MANSC4: variants seen among roughly 807,000 people sequenced by gnomAD.
The protein encoded by MANSC4 is MANSC domain-containing protein 4.
Under a neutral mutation model 11.4 loss-of-function variants are expected in MANSC4, and 11 were observed. The ratio of observed to expected loss-of-function variants is 0.97; its 90% confidence interval spans 0.61 to 1.60. MANSC4 has a LOEUF of 1.60. Ranked by LOEUF, MANSC4 falls within the 40% of genes most tolerant of loss-of-function variation. The pLI is 0.00. For synonymous variants in MANSC4, 123 were observed against 147.1 expected (o/e 0.84, Z 1.19); for missense variants, 354 against 404.6 (o/e 0.88, Z 1.07).
chr12:27,765,856 G>A (rs1348030500), intron 3 of MANSC4, among the ~76,000 whole-genome samples: 1 of 152,142 alleles, frequency 6.6e-6, no homozygotes, highest in Non-Finnish European at 1.5e-5. Flanking sequence ...TACACCCTGA[G>A]ATTACATAAA....
At chr12:27,772,734 A>G (rs2062105696) in intron 1 of MANSC4, among the ~76,000 whole-genome samples, 1 of 152,180 alleles carries the variant, frequency 6.6e-6, no homozygotes, top group South Asian at 2.1e-4. Context: ...GTTTGAAGGG[A>G]TAGGGAAGAG....
rs186554243 is a variant in MANSC4 at position 27,775,002 on chromosome 12, C to T, written c.-306-3420G>A. 4.6e-3 allele frequency among the ~76,000 whole-genome samples: 691 copies of T among 149,998 alleles called. 7 individuals are homozygous for T. The highest frequency in any genetic ancestry group is 0.016 in the African/African-American group (657 of 40,868). ...TCGCGCCACTGCACTCCAGCCTGGG[C>T]GACAGAGCGAGATTCCGTCTCAAAA... On this transcript the variant is annotated intron_variant, in intron 1 of 3. Coordinates refer to ENST00000381273, the MANE Select transcript of MANSC4 (RefSeq NM_001146221.5).
At chr12:27,774,851 G>A (rs2062113233) in intron 1 of MANSC4, among the ~76,000 whole-genome samples, 1 of 151,950 alleles carries the variant, frequency 6.6e-6, no homozygotes. Flanking sequence ...GTGAAACCCC[G>A]TGTCTACTAA....
chr12:27,772,209 C>T (rs1002344788), intron 1 of MANSC4, among the ~76,000 whole-genome samples: 2 of 152,142 alleles, frequency 1.3e-5, no homozygotes, highest in East Asian at 3.8e-4. Flanking sequence ...GTTTCATATC[C>T]TGTGACATCC....
chr12:27,777,059 T>A (rs2062121861), intron 1 of MANSC4, among the ~76,000 whole-genome samples: 1 of 152,208 alleles, frequency 6.6e-6, no homozygotes, highest in Admixed American at 6.5e-5. Flanking sequence ...CAATCCTAAA[T>A]AATGTTATTA....
At chr12:27,766,548 G>A in intron 3 of MANSC4, 117 bp downstream of exon 3, 1 of 1,203,538 alleles carries the variant, frequency 8.3e-7, no homozygotes, top group Admixed American at 3.0e-5. Flanking sequence ...CAAGTTCACT[G>A]GAAAATAATT....
rs2062100546 is a variant in MANSC4, at chr12:27,771,425, T to C, written c.-149A>G. The stretch of plus-strand genomic sequence containing the variant: ...TCTGGAGAGTCACTTTCTAGCAAAA[T>C]AAGACCACTCTTTGCACATTGATTT... On this transcript the variant is annotated 5_prime_UTR_variant, in exon 2 of 4. Transcript: ENST00000381273. 3.0e-6 allele frequency: 2 copies of C among 657,974 alleles called. No homozygotes were observed. Among genetic ancestry groups the C allele is most frequent in the Admixed American group, 5.9e-5 (2 of 33,680 alleles). 40.8% of individuals were successfully genotyped at this position (657,974 alleles called of 1,614,324 possible). A position where few individuals can be genotyped will look rare whatever the true frequency, so the allele number is the denominator to read the frequency against.
At chr12:27,772,318 A>G in intron 1 of MANSC4, among the ~76,000 whole-genome samples, 1 of 152,110 alleles carries the variant, frequency 6.6e-6, no homozygotes, top group East Asian at 1.9e-4. Flanking sequence ...AAAGCACTCT[A>G]CTGTTTCTTC....
intron 1 of MANSC4, among the ~76,000 whole-genome samples, chr12:27,773,791 T>C (rs1274551270): frequency 6.6e-6 from 1 of 152,248 alleles, no homozygotes; most frequent in Non-Finnish European, 1.5e-5. Context: ...ATACTACTTT[T>C]ATCTCATTTA....
chr12:27,778,829 G>T (rs2062130093), intron 1 of MANSC4, among the ~76,000 whole-genome samples: 2 of 152,126 alleles, frequency 1.3e-5, no homozygotes, highest in South Asian at 4.1e-4. Flanking sequence ...TTTGGGGTGG[G>T]CCTTCTAATT....
chr12:27,775,162 T>C (rs146281005), intron 1 of MANSC4, among the ~76,000 whole-genome samples: 45 of 152,324 alleles, frequency 3.0e-4, no homozygotes, highest in African/African-American at 1.0e-3. Flanking sequence ...ATTATCTCTC[T>C]CCTGATTTTT....
rs932673843 is a variant in MANSC4 at position 27,771,551 on chromosome 12, C to G, written c.-275G>C. Among the ~76,000 whole-genome samples the G allele has an allele frequency of 6.6e-6, 1 of 152,208 alleles. No homozygotes were observed. Among genetic ancestry groups the G allele is most frequent in the Non-Finnish European group, 1.5e-5 (1 of 68,046 alleles). On this transcript the variant is annotated 5_prime_UTR_variant, in exon 2 of 4. Coordinates refer to ENST00000381273, the MANE Select transcript of MANSC4 (RefSeq NM_001146221.5). ...TACCCTGTCCCTTAGCATCTTAAGA[C>G]GTGCATTCTCTTTTCTGCTTTTCTT...
chr12:27,771,108 T>TC lies in MANSC4; in HGVS notation c.168dup (p.Lys57GlufsTer5), dbSNP rs1237947638. 1 of 1,551,764 alleles carries TC rather than the reference T, an allele frequency of 6.4e-7. No individual in the cohort carries two copies. The highest frequency in any genetic ancestry group is 8.7e-7 in the Non-Finnish European group (1 of 1,147,014). On this transcript the variant is annotated frameshift_variant, in exon 2 of 4. Transcript: ENST00000381273. LOFTEE classifies it high-confidence loss of function. ...TGGCCAGTGCTTTCAGAATAATACT[T>TC]CAAGAACTGGGCTCCCAGCTTCTGA...
intron 2 of MANSC4, among the ~76,000 whole-genome samples, chr12:27,770,645 C>G (rs2062096650): frequency 6.6e-6 from 1 of 151,862 alleles, no homozygotes; most frequent in Non-Finnish European, 1.5e-5. Flanking sequence ...TCGAGACCAG[C>G]CCGGGCAACA....
intron 3 of MANSC4, among the ~76,000 whole-genome samples, chr12:27,765,770 T>C (rs1354055150): frequency 1.3e-5 from 2 of 152,206 alleles, no homozygotes; most frequent in Non-Finnish European, 2.9e-5. Flanking sequence ...AGGTGTTCAA[T>C]ACATACAAAC....
In MANSC4 at chr12:27,763,178, A is replaced by G. The variant is rs1298472834; in HGVS notation, c.583T>C (p.Leu195=). The change falls in exon 4 of 4, where the codon TTA becomes CTA. Residue 195 remains leucine, a synonymous_variant. Coordinates refer to ENST00000381273, the MANE Select transcript of MANSC4 (RefSeq NM_001146221.5). ...AATCTTGCCCAAAAATCTGTGGTTA[A>G]TTCCTTAGAATAACTGGTACTGTTT... ...NTNSTSYSKE[L]TTDFWARFTS... 6.4e-7 allele frequency: 1 copy of G among 1,551,692 alleles called. No homozygotes were observed. The highest frequency in any genetic ancestry group is 1.7e-4 in the Middle Eastern group (1 of 5,992).
intron 1 of MANSC4, among the ~76,000 whole-genome samples, chr12:27,779,580 T>C (rs780959318): frequency 1.1e-3 from 161 of 152,064 alleles, no homozygotes; most frequent in Non-Finnish European, 1.9e-3. Flanking sequence ...CCACCAACAT[T>C]GCCACCAACT....
chr12:27,766,112 T>G (rs566097479), intron 3 of MANSC4, among the ~76,000 whole-genome samples: 4 of 151,126 alleles, frequency 2.6e-5, no homozygotes, highest in African/African-American at 7.3e-5. Context: ...TCTGTCACCA[T>G]GCTGGAGTGC....
chr12:27,774,377 T>C (rs565227980), intron 1 of MANSC4, among the ~76,000 whole-genome samples: 1 of 152,178 alleles, frequency 6.6e-6, no homozygotes, highest in Admixed American at 6.5e-5. Context: ...TAATAAAAAT[T>C]ATTTTTTAAA....
Sources: allele counts gnomAD v4.1 joint callset (sites outside exome capture counted in the v4.1 genomes callset), GRCh38; gene constraint gnomAD v4.1.1; transcripts MANE v1.5; gene names NCBI Gene and HGNC (gene_info 2026-07-23, HGNC 2026-07-21).